Variants in TENM3 observed in about 807,000 individuals in gnomAD.
The protein encoded by TENM3 is teneurin-3.
In TENM3, 63 loss-of-function variants were observed where a neutral mutation model predicts 255.1. That is an observed-to-expected ratio of 0.25 (90% CI 0.20 to 0.30). The LOEUF (loss-of-function observed/expected upper bound fraction) is 0.30, where lower values mean the gene tolerates loss of function less well. TENM3 is among the 10% of genes least tolerant of loss of function. The pLI is 1.00. For missense variants in TENM3, 2,929 were observed against 3,461.1 expected, an observed-to-expected ratio of 0.85 and a Z score of 3.86; for synonymous variants, 1,306 against 1,322.3, an observed-to-expected ratio of 0.99 and a Z score of 0.27.
At chr4:182,442,804 GTA>G (rs1391295501) in intron 3 of TENM3, among the ~76,000 whole-genome samples, 113 of 148,182 alleles carry the variant, frequency 7.6e-4, no homozygotes, top group East Asian at 2.6e-3. Context: ...GTGTGTGTGT[GTA>G]TATACACATA....
At chr4:181,864,380 C>T in the TENM3 span, among the ~76,000 whole-genome samples, 1 of 151,966 alleles carries the variant, frequency 6.6e-6, no homozygotes, top group African/African-American at 2.4e-5. Flanking sequence ...TCATTTTCAC[C>T]CCGTCTACTT....
the TENM3 span, among the ~76,000 whole-genome samples, chr4:181,586,499 A>T: frequency 2.0e-5 from 3 of 152,126 alleles, no homozygotes; most frequent in Admixed American, 2.0e-4. Flanking sequence ...GGTCTCTCTA[A>T]AACTGTCTCC....
intron 3 of TENM3, among the ~76,000 whole-genome samples, chr4:182,561,107 A>G (rs1013365344): frequency 6.6e-6 from 1 of 152,186 alleles, no homozygotes; most frequent in Non-Finnish European, 1.5e-5. Context: ...AGGCAAATTT[A>G]AAAACCAAAG....
intron 3 of TENM3, among the ~76,000 whole-genome samples, chr4:182,425,306 G>C (rs1277339486): frequency 6.6e-6 from 1 of 152,070 alleles, no homozygotes; most frequent in African/African-American, 2.4e-5. Flanking sequence ...AAATTGTTCT[G>C]GTTGCTTAAG....
chr4:181,680,386 T>C, the TENM3 span, among the ~76,000 whole-genome samples: 1 of 152,160 alleles, frequency 6.6e-6, no homozygotes. Context: ...TCACTTTTAA[T>C]TTGTCAAAAA....
the TENM3 span, chr4:181,877,045 T>C: frequency 2.6e-5 from 4 of 152,286 alleles, no homozygotes; most frequent in African/African-American, 9.6e-5. Flanking sequence ...AGCACTTACC[T>C]AAAACCGATT....
At chr4:181,950,886 A>G in the TENM3 span, among the ~76,000 whole-genome samples, 1 of 152,056 alleles carries the variant, frequency 6.6e-6, no homozygotes, top group Admixed American at 6.5e-5. Flanking sequence ...ACAAAAAATA[A>G]ACAAAATTAG....
At position 182,600,978 on chromosome 4, in the gene TENM3, A is replaced by G. The variant is rs367709353; in HGVS notation, c.566A>G (p.His189Arg). ...QSTLQPLPPS[H>R]KQHSAQHHPS... ...ACCCTGCAGCCCTTGCCGCCTTCCCATAAGCAGCACTCTGCACAGCATCAT... is the reference window on the plus strand; with the variant it reads ...ACCCTGCAGCCCTTGCCGCCTTCCCGTAAGCAGCACTCTGCACAGCATCAT... Residue 189 changes from histidine to arginine, a missense_variant, in exon 4 of 28, where the codon CAT becomes CGT. Transcript: ENST00000511685. 7.5e-6 allele frequency: 12 copies of G among 1,598,466 alleles called. No individual in the cohort carries two copies. The highest frequency in any genetic ancestry group is 7.2e-5 in the African/African-American group (5 of 69,076).
At chr4:182,006,598 C>G in the TENM3 span, among the ~76,000 whole-genome samples, 7 of 151,802 alleles carry the variant, frequency 4.6e-5, no homozygotes, top group Non-Finnish European at 8.8e-5. Context: ...CTTATTATGT[C>G]TATTTGATTC....
chr4:181,618,083 A>G, the TENM3 span, among the ~76,000 whole-genome samples: 1 of 152,112 alleles, frequency 6.6e-6, no homozygotes, highest in Non-Finnish European at 1.5e-5. Context: ...CAACAATATA[A>G]AGTTTGCAGT....
intron 1 of TENM3, among the ~76,000 whole-genome samples, chr4:182,203,078 G>A (rs563259063): frequency 3.9e-5 from 6 of 152,048 alleles, no homozygotes; most frequent in Admixed American, 2.0e-4. Context: ...TTAGCCAGGC[G>A]TAGTGGTGGG....
intron 3 of TENM3, among the ~76,000 whole-genome samples, chr4:182,504,984 T>A (rs1295148774): frequency 6.6e-6 from 1 of 152,232 alleles, no homozygotes; most frequent in Non-Finnish European, 1.5e-5. Context: ...TATTCCTGTT[T>A]TTCATATGGG....
chr4:181,658,506 A>G, the TENM3 span, among the ~76,000 whole-genome samples: 5 of 152,150 alleles, frequency 3.3e-5, no homozygotes, highest in Non-Finnish European at 5.9e-5. Flanking sequence ...TGGCACATTC[A>G]TGCCCCCACT....
the TENM3 span, among the ~76,000 whole-genome samples, chr4:181,660,938 A>G: frequency 6.6e-6 from 1 of 152,172 alleles, no homozygotes; most frequent in African/African-American, 2.4e-5. Context: ...AAACATCAAC[A>G]CAAATGATTT....
chr4:182,363,510 G>C (rs1173825817), intron 3 of TENM3, among the ~76,000 whole-genome samples: 1 of 151,586 alleles, frequency 6.6e-6, no homozygotes, highest in Non-Finnish European at 1.5e-5. Context: ...CTGCCACATA[G>C]TTTTGCACTA....
chr4:182,244,078 C>T (rs375952867), intron 1 of TENM3, among the ~76,000 whole-genome samples: 4 of 151,274 alleles, frequency 2.6e-5, no homozygotes, highest in African/African-American at 9.7e-5. Context: ...CTCAGCCTCC[C>T]GAGTAGCTGG....
intron 24 of TENM3, among the ~76,000 whole-genome samples, chr4:182,787,735 CAAAAA>C (rs33998093): frequency 2.4e-5 from 1 of 41,556 alleles, no homozygotes; most frequent in Non-Finnish European, 5.5e-5. Context: ...AACTCCACCT[CAAAAA>C]AAAAAAAAAA....
intron 13 of TENM3, among the ~76,000 whole-genome samples, chr4:182,716,783 T>C (rs574165005): frequency 1.3e-4 from 20 of 152,360 alleles, no homozygotes; most frequent in African/African-American, 4.8e-4. Flanking sequence ...CTGGATTTTA[T>C]TAGACTGAAA....
At chr4:182,603,038 CA>C (rs917274890) in intron 4 of TENM3, among the ~76,000 whole-genome samples, 1 of 152,146 alleles carries the variant, frequency 6.6e-6, no homozygotes, top group Non-Finnish European at 1.5e-5. Flanking sequence ...CCATGTCTTC[CA>C]GTGAATTTGG....
Sources: gnomAD v4.1 joint callset for allele counts (sites outside exome capture counted in the v4.1 genomes callset) on GRCh38, gnomAD v4.1.1 for gene constraint, MANE v1.5 for transcripts, NCBI Gene and HGNC (gene_info 2026-07-23, HGNC 2026-07-21) for gene names.